MAP4: variants seen among roughly 807,000 people sequenced by gnomAD.
MAP4 encodes the protein microtubule-associated protein 4.
A neutral mutation model predicts 170.2 loss-of-function variants in MAP4; 76 were observed. The observed-to-expected ratio is 0.45, with a 90% confidence interval of 0.37 to 0.54. The LOEUF is 0.54. MAP4 is among the 20% of genes least tolerant of loss of function. The pLI is 0.00. For synonymous variants in MAP4, 909 were observed against 994.5 expected (o/e 0.91, Z 1.62); for missense variants, 2,506 against 2,748.0 (o/e 0.91, Z 1.97).
intron 1 of MAP4, among the ~76,000 whole-genome samples, chr3:48,031,537 C>T (rs1221216884): frequency 6.6e-6 from 1 of 151,622 alleles, no homozygotes; most frequent in Non-Finnish European, 1.5e-5. Flanking sequence ...GGCGACAGAG[C>T]AAGACTCCAT....
rs7634824 is a variant in MAP4 at position 48,057,472 on chromosome 3, C to G, written c.-20+31301G>C. Among the ~76,000 whole-genome samples the G allele has an allele frequency of 2.3e-5, 3 of 130,496 alleles. No homozygotes were observed. The South Asian group carries it at 8.2e-4, about 36-fold the overall frequency. 85.6% of individuals were successfully genotyped at this position (130,496 alleles called of 152,430 possible). ...CAAGTAACCAGGGACACAAACACTGCGGAAGGCCGCAGGGTCCTCTGCCTA... is the reference window on the plus strand; with the variant it reads ...CAAGTAACCAGGGACACAAACACTGGGGAAGGCCGCAGGGTCCTCTGCCTA... On this transcript the variant is annotated intron_variant, in intron 1 of 18. Coordinates refer to the MAP4 transcript ENST00000360240.
At chr3:47,954,877 A>G (rs771849701) in intron 3 of MAP4, among the ~76,000 whole-genome samples, 20 of 152,194 alleles carry the variant, frequency 1.3e-4, no homozygotes, top group Non-Finnish European at 2.5e-4. Context: ...ATACTTGACT[A>G]TTGGCAGAGC....
rs1445919814 is a variant in MAP4, at chr3:47,911,791, A to C, written c.2630T>G (p.Val877Gly). Residue 877 changes from valine (V) to glycine (G), a missense_variant, in exon 9 of 21, where the codon GTA (valine) becomes GGA (glycine). Coordinates refer to ENST00000683076, the MANE Select transcript of MAP4 (RefSeq NM_001385682.1). The surrounding 1 kb of genome is among the most constrained non-coding windows in gnomAD (Gnocchi z 4.0). ...TAISSQSKLR[V>G]EEESKSNKSV... ...CTTGTTACTTTTGCTCTCTTCCTCT[A>C]CTCTCAGCTTAGACTGAGAACTTAT... The C allele has an allele frequency of 6.5e-7, 1 of 1,535,826 alleles. No homozygotes were observed. The highest frequency in any genetic ancestry group is 2.0e-5 in the Admixed American group (1 of 50,962).
chr3:47,931,628 GCCA>G (rs2100049861), intron 3 of MAP4, among the ~76,000 whole-genome samples: 2 of 150,562 alleles, frequency 1.3e-5, no homozygotes, highest in African/African-American at 4.9e-5. Context: ...ATAGGCACTT[GCCA>G]CCACACCTGC....
At chr3:47,993,590 G>A (rs2100093658) in intron 2 of MAP4, among the ~76,000 whole-genome samples, 1 of 152,228 alleles carries the variant, frequency 6.6e-6, no homozygotes, top group African/African-American at 2.4e-5. Flanking sequence ...AAAGAGCAGA[G>A]CTTTCGATGT....
chr3:47,975,129 C>A, intron 3 of MAP4: 3 of 1,099,714 alleles, frequency 2.7e-6, no homozygotes, highest in East Asian at 5.3e-5. Context: ...GAGAATGAAT[C>A]AAATGATAAA....
intron 1 of MAP4, among the ~76,000 whole-genome samples, chr3:48,047,948 G>C (rs1381329733): frequency 1.3e-5 from 2 of 152,126 alleles, no homozygotes; most frequent in Non-Finnish European, 2.9e-5. Context: ...TAAAGAGACA[G>C]AGAGAGATGT....
rs192748087 is a variant in MAP4, at chr3:47,867,134, C to T, written c.6501+112G>A. The T allele has an allele frequency of 6.7e-4, 477 of 709,720 alleles. 1 individual carries two copies. Among genetic ancestry groups the T allele is most frequent in the Admixed American group, 1.2e-3 (46 of 37,926 alleles). The allele number at this position is 709,720 out of a possible 1,614,324, so 44.0% of individuals were successfully genotyped here. ...CTTTGCTAGTCTGCTTCTTACAGAA[C>T]GCTACAGCTCAGGTCACTGGGATTC... On this transcript the variant is annotated intron_variant, in intron 17 of 20. Coordinates refer to ENST00000683076, the MANE Select transcript of MAP4 (RefSeq NM_001385682.1).
chr3:48,004,234 A>G (rs1204625608), intron 1 of MAP4, among the ~76,000 whole-genome samples: 2 of 152,150 alleles, frequency 1.3e-5, no homozygotes, highest in African/African-American at 4.8e-5. Context: ...GCTTAATATG[A>G]TTGATCCAAA....
intron 1 of MAP4, among the ~76,000 whole-genome samples, chr3:48,076,820 A>T (rs1269451103): frequency 6.6e-6 from 1 of 152,202 alleles, no homozygotes; most frequent in Non-Finnish European, 1.5e-5. Context: ...AACTAGATAA[A>T]CTGGACTTCA....
intron 11 of MAP4, among the ~76,000 whole-genome samples, chr3:47,876,136 C>CTT (rs4032093): frequency 3.3e-5 from 3 of 92,250 alleles, no homozygotes; most frequent in Non-Finnish European, 6.3e-5. Flanking sequence ...CTTTTTCTTT[C>CTT]TTTTTTTTTT....
chr3:47,892,265 T>C (rs1011029653), intron 10 of MAP4: 2 of 1,536,366 alleles, frequency 1.3e-6, no homozygotes, highest in East Asian at 4.9e-5. Context: ...AAAGCAGAGC[T>C]TGTTCTGCTC....
At chr3:48,051,587 A>C (rs1451309871) in intron 1 of MAP4, among the ~76,000 whole-genome samples, 1 of 152,196 alleles carries the variant, frequency 6.6e-6, no homozygotes, top group Non-Finnish European at 1.5e-5. Context: ...GAGGATTAAA[A>C]GAGGGAATAG....
chr3:48,086,152 T>TCA lies in MAP4; in HGVS notation c.-20+2619_-20+2620dup, dbSNP rs373452472. Among the ~76,000 whole-genome samples the TCA allele has an allele frequency of 5.7e-3, 851 of 148,282 alleles. 2 individuals are homozygous for TCA. The highest frequency in any genetic ancestry group is 0.012 in the African/African-American group (465 of 40,424). ...TGTGTGTGCACGTATATACACACAC[T>TCA]CACACACACACACACACACAAATTA... is the stretch of plus-strand genomic sequence containing the variant. On this transcript the variant is annotated intron_variant, in intron 1 of 18. Transcript: ENST00000360240.
In MAP4 at chr3:48,025,903, A is replaced by AAATAATAATAATAATGATAAT. The variant is rs1553727285; in HGVS notation, c.-19-27025_-19-27024insATTATCATTATTATTATTATT. On this transcript the variant is annotated intron_variant, in intron 1 of 18. Transcript: ENST00000360240. ...CTACAAGTGCGAAACTCTGCCTCAA[A>AAATAATAATAATAATGATAAT]AATAATAATAATAATAATAATAATA... 3.6e-5 allele frequency among the ~76,000 whole-genome samples: 5 copies of AAATAATAATAATAATGATAAT among 140,256 alleles called. No homozygotes were observed. In the South Asian group the frequency reaches 1.2e-3, roughly 32 times the overall value. The allele number at this position is 140,256 out of a possible 152,430, so 92.0% of individuals were successfully genotyped here. A position where few individuals can be genotyped will look rare whatever the true frequency, so the allele number is the denominator to read the frequency against.
intron 1 of MAP4, among the ~76,000 whole-genome samples, chr3:48,074,576 G>A (rs1184402648): frequency 1.4e-5 from 2 of 144,070 alleles, no homozygotes; most frequent in African/African-American, 5.4e-5. Context: ...TGCAATGGCA[G>A]GATCACAGAT....
chr3:47,988,624 T>C (rs1472967372), intron 2 of MAP4, among the ~76,000 whole-genome samples: 1 of 151,954 alleles, frequency 6.6e-6, no homozygotes, highest in African/African-American at 2.4e-5. Context: ...AGTGGCAGAG[T>C]CCCTCAGTTT....
chr3:47,951,436 C>T (rs1006055894), intron 3 of MAP4, among the ~76,000 whole-genome samples: 1 of 152,208 alleles, frequency 6.6e-6, no homozygotes, highest in African/African-American at 2.4e-5. Context: ...TCTCGGCTCA[C>T]TGCAACCTCC....
At chr3:48,074,145 C>A (rs1409460218) in intron 1 of MAP4, among the ~76,000 whole-genome samples, 3 of 151,924 alleles carry the variant, frequency 2.0e-5, no homozygotes, top group Admixed American at 6.6e-5. Context: ...AGGATGAGTT[C>A]ATGTCCTTTG....
Sources: allele counts gnomAD v4.1 joint callset (sites outside exome capture counted in the v4.1 genomes callset), GRCh38; gene constraint gnomAD v4.1.1; non-coding constraint Gnocchi (gnomAD v3.1); transcripts MANE v1.5; gene names NCBI Gene and HGNC (gene_info 2026-07-23, HGNC 2026-07-21).